FMN2: variants seen among roughly 807,000 people sequenced by gnomAD.
The protein encoded by FMN2 is formin-2.
FMN2 carries 51 observed loss-of-function variants against 142.3 expected under a neutral mutation model. That is an observed-to-expected ratio of 0.36 (90% CI 0.29 to 0.45). The LOEUF is 0.45. FMN2 is among the 20% of genes least tolerant of loss of function. The pLI, the probability that FMN2 is intolerant of heterozygous loss-of-function variation, is 1.00. For missense variants in FMN2, 1,936 were observed against 2,122.8 expected (o/e 0.91, Z 1.73); for synonymous variants, 882 against 869.8 (o/e 1.01, Z -0.25).
In FMN2 at chr1:240,362,987, A is replaced by T. The variant is rs1479744981; in HGVS notation, c.4858+7079A>T. Among the ~76,000 whole-genome samples the T allele has an allele frequency of 3.3e-5, 5 of 152,232 alleles. No homozygotes were observed. In the East Asian group the frequency reaches 9.6e-4, roughly 29 times the overall value. The stretch of plus-strand genomic sequence containing the variant: ...AATAGAACCAAAATGAAAATGCATA[A>T]ATCTGTAATCACATGCTTATAATTA... On this transcript the variant is annotated intron_variant, in intron 14 of 17. Coordinates refer to ENST00000319653, the MANE Select transcript of FMN2 (RefSeq NM_020066.5).
At chr1:240,318,975 AAT>A (rs1336442572) in intron 8 of FMN2, among the ~76,000 whole-genome samples, 2 of 152,200 alleles carry the variant, frequency 1.3e-5, no homozygotes, top group Admixed American at 1.3e-4. Context: ...TTGATTTTGA[AAT>A]ATGTTTCATC....
chr1:240,362,579 A>G (rs1176504087), intron 14 of FMN2, among the ~76,000 whole-genome samples: 5 of 152,120 alleles, frequency 3.3e-5, no homozygotes, highest in Non-Finnish European at 1.5e-5. Context: ...CAAAAAACAT[A>G]TTATCGCTGA....
At chr1:240,108,661 G>A (rs1343926407) in intron 1 of FMN2, among the ~76,000 whole-genome samples, 2 of 152,152 alleles carry the variant, frequency 1.3e-5, no homozygotes, top group Non-Finnish European at 2.9e-5. Flanking sequence ...ATAAGATATA[G>A]TGGCCTGGAA....
At position 240,438,126 on chromosome 1, in the gene FMN2, A is replaced by G; in HGVS notation, c.4976A>G (p.Asn1659Ser). 1 of 1,614,186 alleles carries G rather than the reference A, an allele frequency of 6.2e-7. No individual in the cohort carries two copies. Among genetic ancestry groups the G allele is most frequent in the Non-Finnish European group, 8.5e-7 (1 of 1,180,014 alleles). The stretch of plus-strand genomic sequence containing the variant: ...CTTGGAGAGAAGGAGGTGTCCCCAA[A>G]TGCTTTCTTCAGTATCTGGCATGAA... Reference protein sequence around the residue: ...PKLGEKEVSPNAFFSIWHEFS... With the variant: ...PKLGEKEVSPSAFFSIWHEFS... The change falls in exon 16 of 18, where the codon AAT becomes AGT. Residue 1659 changes from asparagine (N) to serine (S), a missense_variant. Asn to Ser is a conservative substitution (Grantham distance 46, BLOSUM62 1). Coordinates refer to ENST00000319653, the MANE Select transcript of FMN2 (RefSeq NM_020066.5).
At chr1:240,258,113 C>A (rs1186193937) in intron 7 of FMN2, 81 bp downstream of exon 7, 5 of 1,102,206 alleles carry the variant, frequency 4.5e-6, no homozygotes, top group African/African-American at 3.1e-5. Context: ...AATGTTATTT[C>A]AAACTTAGAG....
chr1:240,288,709 G>A (rs1669676962), intron 7 of FMN2, among the ~76,000 whole-genome samples: 1 of 152,012 alleles, frequency 6.6e-6, no homozygotes, highest in East Asian at 1.9e-4. Flanking sequence ...CAAAGAGAAG[G>A]AGGCCCTGTC....
At chr1:240,361,185 A>C (rs972278346) in intron 14 of FMN2, among the ~76,000 whole-genome samples, 3 of 106,706 alleles carry the variant, frequency 2.8e-5, no homozygotes, top group African/African-American at 1.0e-4. Context: ...ATATATATAT[A>C]AAAGAGTTTA....
intron 14 of FMN2, among the ~76,000 whole-genome samples, chr1:240,366,935 T>C (rs1421295618): frequency 6.6e-6 from 1 of 152,176 alleles, no homozygotes; most frequent in Admixed American, 6.5e-5. Flanking sequence ...TACTCCCTTT[T>C]TGTGTTGCAA....
chr1:240,144,152 A>T, intron 2 of FMN2: 1 of 1,352,812 alleles, frequency 7.4e-7, no homozygotes, highest in Non-Finnish European at 1.1e-6. Flanking sequence ...ATGCAGCTGC[A>T]CTCAACATTC....
chr1:240,200,363 TCTTACTTCTGACAAGCA>T (rs1286066748), intron 4 of FMN2, among the ~76,000 whole-genome samples: 2 of 152,206 alleles, frequency 1.3e-5, no homozygotes, highest in African/African-American at 4.8e-5. Context: ...AGAAATCAGC[TCTTACTTCTGACAAGCA>T]ATGGAGCTTT....
intron 16 of FMN2, among the ~76,000 whole-genome samples, chr1:240,450,345 A>G (rs771229975): frequency 1.9e-4 from 29 of 152,188 alleles, no homozygotes; most frequent in Non-Finnish European, 3.2e-4. Context: ...TGTGAAGCCT[A>G]TGAGCATTTT....
At chr1:240,271,769 G>A (rs982181853) in intron 7 of FMN2, among the ~76,000 whole-genome samples, 17 of 151,908 alleles carry the variant, frequency 1.1e-4, no homozygotes, top group Non-Finnish European at 2.5e-4. Flanking sequence ...TTTAATATGA[G>A]AATTTGTTTT....
intron 15 of FMN2, among the ~76,000 whole-genome samples, chr1:240,429,085 A>G (rs965383815): frequency 6.6e-6 from 1 of 152,064 alleles, no homozygotes; most frequent in Non-Finnish European, 1.5e-5. Flanking sequence ...GTTACTTCTA[A>G]TTCAGTTTTC....
intron 7 of FMN2, among the ~76,000 whole-genome samples, chr1:240,263,980 GATA>G (rs1668713730): frequency 6.6e-6 from 1 of 151,892 alleles, no homozygotes; most frequent in African/African-American, 2.4e-5. Context: ...AATTTAATGA[GATA>G]ATAATGTAAA....
intron 7 of FMN2, among the ~76,000 whole-genome samples, chr1:240,280,200 A>T (rs1669351191): frequency 6.6e-6 from 1 of 152,158 alleles, no homozygotes; most frequent in African/African-American, 2.4e-5. Flanking sequence ...ATGTTTACAT[A>T]TACTAAAGAA....
Position 240,329,404 on chromosome 1 carries a change from C to T in FMN2, c.4373C>T (p.Ser1458Phe), listed in dbSNP as rs992682683. Residue 1458 changes from serine to phenylalanine, a missense_variant, in exon 10 of 18, where the codon TCC becomes TTC. This residue lies in a region of FMN2 where 322 missense variants were observed against 401.6 expected (regional missense o/e 0.80). Coordinates refer to ENST00000319653, the MANE Select transcript of FMN2 (RefSeq NM_020066.5). ...SERVFCILFQ[S>F]TFSESICSIR... ...CGAGTCTTTTGCATCCTGTTCCAGT[C>T]CACATTTTCAGAAAGCATTTGCTCA... 1.9e-6 allele frequency: 3 copies of T among 1,613,900 alleles called. No homozygotes were observed. The highest frequency in any genetic ancestry group is 2.7e-5 in the African/African-American group (2 of 74,916).
intron 2 of FMN2, chr1:240,144,716 A>T: frequency 7.6e-7 from 1 of 1,308,938 alleles, no homozygotes; most frequent in Non-Finnish European, 1.1e-6. Flanking sequence ...ATTCTCATCA[A>T]TGTCCTTCTC....
intron 14 of FMN2, among the ~76,000 whole-genome samples, chr1:240,364,461 G>A (rs1672595412): frequency 1.3e-5 from 2 of 152,080 alleles, no homozygotes. Context: ...TTCCTCTCTT[G>A]TAGTGACAAA....
chr1:240,337,827 A>G (rs1278753381), intron 13 of FMN2, among the ~76,000 whole-genome samples: 1 of 152,184 alleles, frequency 6.6e-6, no homozygotes, highest in African/African-American at 2.4e-5. Context: ...TTAGCATTTT[A>G]TAATAACATC....
Sources: allele counts gnomAD v4.1 joint callset (sites outside exome capture counted in the v4.1 genomes callset), GRCh38; gene constraint gnomAD v4.1.1; regional missense constraint gnomAD v4.1.1; transcripts MANE v1.5; gene names NCBI Gene and HGNC (gene_info 2026-07-23, HGNC 2026-07-21).